TMTC2: variants seen among roughly 807,000 people sequenced by gnomAD.
The protein encoded by TMTC2 is protein O-mannosyl-transferase TMTC2.
Under a neutral mutation model 82.4 loss-of-function variants are expected in TMTC2, and 43 were observed. The ratio of observed to expected loss-of-function variants is 0.52; its 90% CI spans 0.41 to 0.67. The LOEUF is 0.67. TMTC2 is among the 30% of genes least tolerant of loss of function. The probability of loss-of-function intolerance (pLI) is 0.00; values close to 1 mark genes in which losing one functional copy is unlikely to be tolerated. For synonymous variants in TMTC2, 408 were observed against 381.9 expected, an observed-to-expected ratio of 1.07 and a Z score of -0.80; for missense variants, 919 against 1,012.4, an observed-to-expected ratio of 0.91 and a Z score of 1.25.
Position 83,030,949 on chromosome 12 carries a change from T to C in TMTC2, c.2152+70T>C. On this transcript the variant is annotated intron_variant, in intron 9 of 11. Coordinates refer to ENST00000321196, the MANE Select transcript of TMTC2 (RefSeq NM_152588.3). The stretch of plus-strand genomic sequence containing the variant: ...TTAATGTTGATATGAGATCTAGGCT[T>C]TGCTGGCAAAGAACATTTTAAGAGG... 6 of 1,180,408 alleles carry C rather than the reference T, an allele frequency of 5.1e-6. No individual in the cohort carries two copies. The South Asian group carries it at 7.7e-5, about 15-fold the overall frequency. 73.1% of individuals were successfully genotyped at this position (1,180,408 alleles called of 1,614,324 possible).
At chr12:82,818,643 C>G (rs1043815614) in intron 1 of TMTC2, among the ~76,000 whole-genome samples, 2 of 152,138 alleles carry the variant, frequency 1.3e-5, no homozygotes, top group African/African-American at 4.8e-5. Context: ...TCAAATACCT[C>G]ATATGGGAGT....
At chr12:82,958,197 T>C (rs1877715137) in intron 4 of TMTC2, among the ~76,000 whole-genome samples, 1 of 151,858 alleles carries the variant, frequency 6.6e-6, no homozygotes, top group African/African-American at 2.4e-5. Context: ...ACCTCATCTC[T>C]ACTAAAAATC....
chr12:82,983,481 C>A (rs1879018422), intron 7 of TMTC2, among the ~76,000 whole-genome samples: 1 of 151,730 alleles, frequency 6.6e-6, no homozygotes, highest in Admixed American at 6.6e-5. Context: ...TGATAACTTT[C>A]TGACTTGGAA....
At chr12:82,788,641 A>C (rs1878301903) in intron 1 of TMTC2, among the ~76,000 whole-genome samples, 1 of 152,166 alleles carries the variant, frequency 6.6e-6, no homozygotes, top group East Asian at 1.9e-4. Flanking sequence ...TCTCCCTCAC[A>C]GCCTTCCCAG....
intron 1 of TMTC2, among the ~76,000 whole-genome samples, chr12:82,817,082 C>G (rs1816324479): frequency 6.6e-6 from 1 of 151,632 alleles, no homozygotes; most frequent in Non-Finnish European, 1.5e-5. Flanking sequence ...ATTCTCCTGC[C>G]TCAGCCTCCC....
rs186788014 is a variant in TMTC2, at chr12:82,877,941, A to C, written c.655-17877A>C. 5.3e-5 allele frequency among the ~76,000 whole-genome samples: 8 copies of C among 152,318 alleles called. No individual in the cohort carries two copies. The East Asian group carries it at 1.5e-3, about 29-fold the overall frequency. ...ATATCACCTAGACATGTATACTTTT[A>C]AAAATCCCAGAGTAAAGAACCCCCA... On this transcript the variant is annotated intron_variant, in intron 2 of 11. Transcript: ENST00000321196.
At position 83,045,703 on chromosome 12, in the gene TMTC2, T is replaced by TC. The variant is rs879460040; in HGVS notation, c.2153-5199dup. On this transcript the variant is annotated intron_variant, in intron 9 of 11. Transcript: ENST00000321196. ...GGTCGCTTATAGGGCAGGAAAGGGC[T>TC]CCTTCACACACACACACACACACGC... 0.017 allele frequency among the ~76,000 whole-genome samples: 817 copies of TC among 48,856 alleles called. 9 individuals are homozygous for TC. The East Asian group carries it at 0.19, about 11-fold the overall frequency. The allele number at this position is 48,856 out of a possible 152,430, so 32.1% of individuals were successfully genotyped here. A position where few individuals can be genotyped will look rare whatever the true frequency, so the allele number is the denominator to read the frequency against.
chr12:82,852,910 T>G (rs754208459), intron 1 of TMTC2, among the ~76,000 whole-genome samples: 14 of 152,182 alleles, frequency 9.2e-5, no homozygotes, highest in Non-Finnish European at 1.8e-4. Context: ...ATATTTTTTA[T>G]CATAATATTC....
intron 1 of TMTC2, among the ~76,000 whole-genome samples, chr12:82,822,074 C>A (rs1046293475): frequency 9.2e-5 from 14 of 152,038 alleles, no homozygotes; most frequent in African/African-American, 2.9e-4. Context: ...TCTGAAATGA[C>A]TACATATTGT....
intron 11 of TMTC2, among the ~76,000 whole-genome samples, chr12:83,080,382 T>C (rs1883422377): frequency 6.6e-6 from 1 of 152,124 alleles, no homozygotes. Context: ...TCTCTCTCTC[T>C]CTCTGTGTGT....
chr12:83,061,100 C>T (rs541902236), intron 10 of TMTC2, among the ~76,000 whole-genome samples: 1 of 151,838 alleles, frequency 6.6e-6, no homozygotes, highest in South Asian at 2.1e-4. Flanking sequence ...AGTAAATAGT[C>T]CCATTGCTTC....
chr12:83,104,501 G>A (rs1469018115), intron 11 of TMTC2, among the ~76,000 whole-genome samples: 1 of 152,186 alleles, frequency 6.6e-6, no homozygotes, highest in Middle Eastern at 3.2e-3. Flanking sequence ...TGTGGAAGCT[G>A]CCAAAACTTA....
At chr12:82,754,146 C>T (rs142028448) in intron 1 of TMTC2, among the ~76,000 whole-genome samples, 1 of 152,244 alleles carries the variant, frequency 6.6e-6, no homozygotes, top group East Asian at 1.9e-4. Flanking sequence ...GAGAGAAGAT[C>T]AGGAATAAGG....
chr12:83,019,847 A>G (rs916857023), intron 8 of TMTC2, among the ~76,000 whole-genome samples: 1 of 152,072 alleles, frequency 6.6e-6, no homozygotes, highest in African/African-American at 2.4e-5. Flanking sequence ...TGATATTCAT[A>G]AAACAGCGGC....
At chr12:83,017,640 G>A (rs1880732053) in intron 8 of TMTC2, among the ~76,000 whole-genome samples, 1 of 152,126 alleles carries the variant, frequency 6.6e-6, no homozygotes, top group Non-Finnish European at 1.5e-5. Flanking sequence ...AAGAAGAGCT[G>A]ATTCCTTTAC....
chr12:82,768,755 G>A (rs908914303), intron 1 of TMTC2, among the ~76,000 whole-genome samples: 31 of 151,948 alleles, frequency 2.0e-4, no homozygotes, highest in African/African-American at 7.3e-4. Context: ...GGTCATTACA[G>A]TTGGGGTTCC....
chr12:83,032,688 G>A (rs1334588819), intron 9 of TMTC2, among the ~76,000 whole-genome samples: 4 of 151,970 alleles, frequency 2.6e-5, no homozygotes, highest in East Asian at 1.9e-4. Flanking sequence ...GGGATTACAG[G>A]CACCCACCAC....
chr12:83,124,495 A>G (rs780957027), intron 11 of TMTC2, among the ~76,000 whole-genome samples: 3 of 152,176 alleles, frequency 2.0e-5, no homozygotes, highest in Non-Finnish European at 4.4e-5. Flanking sequence ...TAAGTGTAGC[A>G]ATTAATGCAT....
chr12:83,083,573 C>G (rs898843229), intron 11 of TMTC2, among the ~76,000 whole-genome samples: 2 of 152,164 alleles, frequency 1.3e-5, no homozygotes, highest in African/African-American at 2.4e-5. Context: ...TTCTTCTCAC[C>G]TTGCTTTCCC....
Sources: allele counts gnomAD v4.1 joint callset (sites outside exome capture counted in the v4.1 genomes callset), GRCh38; gene constraint gnomAD v4.1.1; transcripts MANE v1.5; gene names NCBI Gene and HGNC (gene_info 2026-07-23, HGNC 2026-07-21).